TENM4: variants seen among roughly 807,000 people sequenced by gnomAD.
TENM4 encodes the protein teneurin-4.
Under a neutral mutation model 243.3 loss-of-function variants are expected in TENM4, and 82 were observed. The ratio of observed to expected loss-of-function variants is 0.34; its 90% CI spans 0.28 to 0.40. The LOEUF is 0.40. Ranked by LOEUF, TENM4 falls within the 10% of genes least tolerant of loss-of-function variation. TENM4 has a pLI of 1.00. For missense variants in TENM4, 3,138 were observed against 3,673.3 expected, an observed-to-expected ratio of 0.85 and a Z score of 3.77; for synonymous variants, 1,412 against 1,456.3, an observed-to-expected ratio of 0.97 and a Z score of 0.69.
At chr11:78,718,118 A>G (rs1859563295) in intron 25 of TENM4, among the ~76,000 whole-genome samples, 1 of 152,114 alleles carries the variant, frequency 6.6e-6, no homozygotes, top group Admixed American at 6.6e-5. Context: ...GGAGGAAGAG[A>G]TACAACTCTA....
chr11:78,982,013 C>T (rs985566256), intron 6 of TENM4, among the ~76,000 whole-genome samples: 1 of 152,118 alleles, frequency 6.6e-6, no homozygotes. Context: ...ATAAAGGAAT[C>T]ACACCTGCAA....
At chr11:79,335,432 G>C (rs914018524) in intron 1 of TENM4, among the ~76,000 whole-genome samples, 1 of 152,246 alleles carries the variant, frequency 6.6e-6, no homozygotes, top group African/African-American at 2.4e-5. Flanking sequence ...TAGCATTGCG[G>C]AGAAGACATA....
intron 1 of TENM4, among the ~76,000 whole-genome samples, chr11:79,340,557 C>T (rs929675859): frequency 6.6e-5 from 10 of 152,108 alleles, no homozygotes; most frequent in Admixed American, 4.6e-4. Flanking sequence ...GCTGCCATAG[C>T]ACACGTTTGC....
intron 3 of TENM4, among the ~76,000 whole-genome samples, chr11:79,193,980 G>A (rs1253902025): frequency 6.6e-6 from 1 of 152,048 alleles, no homozygotes; most frequent in Non-Finnish European, 1.5e-5. Context: ...AGTTTGAATT[G>A]TATCTCCCAG....
intron 4 of TENM4, among the ~76,000 whole-genome samples, chr11:79,071,256 C>T (rs1240844188): frequency 6.6e-6 from 1 of 152,202 alleles, no homozygotes; most frequent in Non-Finnish European, 1.5e-5. Context: ...GAAACACAAC[C>T]TGCTCAGTTC....
chr11:78,907,931 C>T (rs988741614), intron 6 of TENM4, among the ~76,000 whole-genome samples: 5 of 152,156 alleles, frequency 3.3e-5, no homozygotes, highest in Non-Finnish European at 5.9e-5. Context: ...TTGTGCACAC[C>T]ACTGCCAGTA....
At chr11:79,314,026 C>T (rs1856763999) in intron 1 of TENM4, among the ~76,000 whole-genome samples, 1 of 152,184 alleles carries the variant, frequency 6.6e-6, no homozygotes, top group African/African-American at 2.4e-5. Flanking sequence ...CTCTGAGAAT[C>T]TAATGAGATA....
chr11:79,104,861 G>T (rs1165636112), intron 4 of TENM4, among the ~76,000 whole-genome samples: 2 of 152,162 alleles, frequency 1.3e-5, no homozygotes, highest in East Asian at 3.9e-4. Context: ...GATAGGAGGT[G>T]GGCTCATCTC....
chr11:79,407,564 C>G (rs903389148), intron 1 of TENM4, among the ~76,000 whole-genome samples: 2 of 152,138 alleles, frequency 1.3e-5, no homozygotes, highest in Non-Finnish European at 2.9e-5. Context: ...TAATAAGTAG[C>G]GAGACCTAGA....
At chr11:79,160,458 G>T (rs368773602) in intron 3 of TENM4, among the ~76,000 whole-genome samples, 1 of 152,106 alleles carries the variant, frequency 6.6e-6, no homozygotes, top group African/African-American at 2.4e-5. Context: ...CTTGGGGAGA[G>T]CCTCTCTTCT....
At chr11:79,166,318 C>T (rs1862912384) in intron 3 of TENM4, among the ~76,000 whole-genome samples, 1 of 152,206 alleles carries the variant, frequency 6.6e-6, no homozygotes, top group Non-Finnish European at 1.5e-5. Context: ...CTGGAAATGC[C>T]AAGGGCATAG....
intron 28 of TENM4, among the ~76,000 whole-genome samples, chr11:78,700,440 C>T (rs1332482754): frequency 6.6e-6 from 1 of 152,108 alleles, no homozygotes; most frequent in Non-Finnish European, 1.5e-5. Flanking sequence ...AGCTCCTAGC[C>T]CACAGCTAAT....
chr11:79,001,871 G>A (rs1858337957), intron 6 of TENM4, among the ~76,000 whole-genome samples: 1 of 152,156 alleles, frequency 6.6e-6, no homozygotes, highest in Non-Finnish European at 1.5e-5. Flanking sequence ...CCATTGGAGA[G>A]CTCCAGCAGA....
intron 6 of TENM4, among the ~76,000 whole-genome samples, chr11:78,970,756 T>C (rs2136573570): frequency 6.6e-6 from 1 of 152,254 alleles, no homozygotes; most frequent in African/African-American, 2.4e-5. Flanking sequence ...AAGGAGACTA[T>C]GGAAAAAATG....
chr11:79,070,984 T>G (rs1444446264), intron 4 of TENM4, among the ~76,000 whole-genome samples: 1 of 152,236 alleles, frequency 6.6e-6, no homozygotes, highest in Non-Finnish European at 1.5e-5. Context: ...GCACAGTGTC[T>G]GCCCCATCCA....
intron 4 of TENM4, among the ~76,000 whole-genome samples, chr11:79,079,905 C>T (rs528877757): frequency 6.6e-6 from 1 of 151,986 alleles, no homozygotes; most frequent in African/African-American, 2.4e-5. Context: ...CTGATTCAAG[C>T]CCCATCAGGT....
rs116315756 is a variant in TENM4 at position 78,759,308 on chromosome 11, C to T, written c.2540-2287G>A. Among the ~76,000 whole-genome samples, 1,134 of 152,304 alleles carry T rather than the reference C, an allele frequency of 7.4e-3. 13 individuals are homozygous for T. The highest frequency in any genetic ancestry group is 0.025 in the African/African-American group (1,053 of 41,560). On this transcript the variant is annotated intron_variant, in intron 18 of 33. Transcript: ENST00000278550. ...ATTGCTTAAACACATAATTACAGCC[C>T]GAGCTGAGGGTTATTTGCATTCTGC... is the stretch of plus-strand genomic sequence containing the variant.
At chr11:79,099,713 C>A (rs1395593210) in intron 4 of TENM4, among the ~76,000 whole-genome samples, 1 of 152,188 alleles carries the variant, frequency 6.6e-6, no homozygotes, top group East Asian at 1.9e-4. Context: ...TCCCCAGAGA[C>A]CTTTTTGTAA....
chr11:78,997,449 T>G (rs1203391672), intron 6 of TENM4, among the ~76,000 whole-genome samples: 2 of 152,090 alleles, frequency 1.3e-5, no homozygotes, highest in Non-Finnish European at 1.5e-5. Flanking sequence ...TTGGAAAAAA[T>G]AAAATGACTG....
Sources: gnomAD v4.1 joint callset for allele counts (sites outside exome capture counted in the v4.1 genomes callset) on GRCh38, gnomAD v4.1.1 for gene constraint, MANE v1.5 for transcripts, NCBI Gene and HGNC (gene_info 2026-07-23, HGNC 2026-07-21) for gene names.